The following LMO7 variants were observed in gnomAD, a reference collection of about 807,000 sequenced individuals.
LMO7 encodes LIM domain 7.
A neutral mutation model predicts 206.5 loss-of-function variants in LMO7; 120 were observed. The ratio of observed to expected loss-of-function variants is 0.58; its 90% CI spans 0.50 to 0.68. The LOEUF (loss-of-function observed/expected upper bound fraction) is 0.68, where lower values mean the gene tolerates loss of function less well. Among genes scored for constraint, LMO7 ranks in the 30% least tolerant of loss-of-function variants. LMO7 has a pLI of 0.00. For synonymous variants in LMO7, 706 were observed against 681.5 expected (o/e 1.04, Z -0.56); for missense variants, 1,959 against 1,957.9 (o/e 1.00, Z -0.01).
At chr13:75,704,633 C>T (rs1048988108) in intron 1 of LMO7, among the ~76,000 whole-genome samples, 5 of 152,152 alleles carry the variant, frequency 3.3e-5, no homozygotes, top group Admixed American at 6.5e-5. Flanking sequence ...AAAAGTTAAA[C>T]GAGAGAAGTG....
chr13:75,742,452 C>T (rs961882421), intron 3 of LMO7, among the ~76,000 whole-genome samples: 1 of 152,138 alleles, frequency 6.6e-6, no homozygotes, highest in Non-Finnish European at 1.5e-5. Flanking sequence ...CTGGAGGCAT[C>T]ATACTACCTG....
At chr13:75,643,206 G>A (rs1403457818) in intron 1 of LMO7, among the ~76,000 whole-genome samples, 1 of 152,176 alleles carries the variant, frequency 6.6e-6, no homozygotes, top group African/African-American at 2.4e-5. Flanking sequence ...GTGAGGGACT[G>A]CTGTTGAGAC....
intron 1 of LMO7, among the ~76,000 whole-genome samples, chr13:75,680,133 G>T (rs113703526): frequency 0.098 from 14,910 of 152,194 alleles, 970 homozygotes; most frequent in Middle Eastern, 0.2. Context: ...CCACTTGTAA[G>T]TGAGAACATG....
At chr13:75,638,366 A>G (rs1423687047) in intron 1 of LMO7, among the ~76,000 whole-genome samples, 1 of 152,014 alleles carries the variant, frequency 6.6e-6, no homozygotes, top group Non-Finnish European at 1.5e-5. Context: ...TTTGTATGTA[A>G]TGAATGGGGG....
chr13:75,775,948 C>A (rs1176809829), intron 4 of LMO7, among the ~76,000 whole-genome samples: 1 of 151,070 alleles, frequency 6.6e-6, no homozygotes, highest in Non-Finnish European at 1.5e-5. Flanking sequence ...TTTGAGCCAG[C>A]AGTCATCTAT....
chr13:75,804,032 C>T (rs1595135788), intron 7 of LMO7: 2 of 296,436 alleles, frequency 6.7e-6, no homozygotes, highest in East Asian at 1.2e-4. Flanking sequence ...AAAAAAGGGG[C>T]TCACTAGTAA....
intron 1 of LMO7, among the ~76,000 whole-genome samples, chr13:75,654,623 C>A (rs962882508): frequency 2.6e-5 from 4 of 152,246 alleles, no homozygotes; most frequent in African/African-American, 9.6e-5. Context: ...TTTTCCTCTG[C>A]ATCTCTCTTT....
rs144205884 is a variant in LMO7 at position 75,621,749 on chromosome 13, A to T, written c.56A>T (p.Asp19Val). 216 of 1,611,872 alleles carry T rather than the reference A, an allele frequency of 1.3e-4. No homozygotes were observed. The African/African-American group carries it at 2.5e-3, about 19-fold the overall frequency. ...ACGTTTTACAGTTGGATGTCCTATG[A>T]TGTTCTCTTCCAGAGAACAGAGCTC... The change falls in exon 1 of 30, where the codon GAT becomes GTT. Residue 19 changes from aspartate (D) to valine (V), a missense_variant. Physicochemically the swap from Asp to Val is radical, Grantham distance 152. Coordinates refer to the LMO7 transcript ENST00000341547.
At chr13:75,780,572 A>G (rs2051176046) in intron 4 of LMO7, among the ~76,000 whole-genome samples, 1 of 152,168 alleles carries the variant, frequency 6.6e-6, no homozygotes. Context: ...ATGCTCTACA[A>G]TTTGTGCAGA....
intron 8 of LMO7, chr13:75,805,052 G>A: frequency 1.0e-6 from 1 of 1,002,564 alleles, no homozygotes; most frequent in East Asian, 1.0e-4. Context: ...TGAAAAAGAG[G>A]CCCCAGAATT....
At position 75,794,907 on chromosome 13, in the gene LMO7, G is replaced by A. The variant is rs1200525069; in HGVS notation, c.318-494G>A. 2.0e-5 allele frequency among the ~76,000 whole-genome samples: 3 copies of A among 151,744 alleles called. No homozygotes were observed. The East Asian group carries it at 5.8e-4, about 29-fold the overall frequency. On this transcript the variant is annotated intron_variant, in intron 4 of 30. Coordinates refer to ENST00000377534, the MANE Select transcript of LMO7 (RefSeq NM_001306080.2). ...AAAGTCTCTGAGCAGTTTGCTCTGG[G>A]GAACTTGGATGAAAAACCTTATGGA...
intron 1 of LMO7, chr13:75,621,962 G>T: frequency 2.5e-6 from 2 of 802,566 alleles, no homozygotes; most frequent in Non-Finnish European, 3.6e-6. Context: ...ACACATGTAG[G>T]TGGAAAAGAG....
chr13:75,675,432 A>G (rs889934325), intron 1 of LMO7, among the ~76,000 whole-genome samples: 5 of 152,230 alleles, frequency 3.3e-5, no homozygotes, highest in Non-Finnish European at 7.3e-5. Flanking sequence ...TTGTAAACAA[A>G]GTTTAAGCTA....
chr13:75,738,781 AACCAGAATAATGTTT>A (rs1295007769), intron 3 of LMO7, among the ~76,000 whole-genome samples: 2 of 152,244 alleles, frequency 1.3e-5, no homozygotes, highest in Admixed American at 6.5e-5. Flanking sequence ...AGAGCTATTG[AACCAGAATAATGTTT>A]ACCATCTGAT....
intron 3 of LMO7, among the ~76,000 whole-genome samples, chr13:75,729,801 C>T (rs2044933652): frequency 6.7e-6 from 1 of 150,350 alleles, no homozygotes. Context: ...AGATATGTCC[C>T]ATCAATACCT....
intron 4 of LMO7, among the ~76,000 whole-genome samples, chr13:75,773,465 A>G (rs2049999759): frequency 6.6e-6 from 1 of 152,218 alleles, no homozygotes; most frequent in Admixed American, 6.5e-5. Flanking sequence ...GAGAACAAGT[A>G]TGGAGGCTGA....
rs117172806 is a variant in LMO7, at chr13:75,705,243, A to G, written c.70-7939A>G. ...TGGGATATGTAGGCTTTTTTCCCAG[A>G]GGAGTCGAAATGCCTTCACAAGTCA... On this transcript the variant is annotated intron_variant, in intron 1 of 30. Coordinates refer to ENST00000377534, the MANE Select transcript of LMO7 (RefSeq NM_001306080.2). Among the ~76,000 whole-genome samples the G allele has an allele frequency of 1.1e-3, 168 of 152,326 alleles. 3 individuals carry two copies. The East Asian group carries it at 0.017, about 15-fold the overall frequency.
At chr13:75,672,918 T>TA (rs1458257516) in intron 1 of LMO7, among the ~76,000 whole-genome samples, 3 of 107,412 alleles carry the variant, frequency 2.8e-5, no homozygotes, top group South Asian at 5.4e-4. Context: ...GGTGACTTGA[T>TA]ATGTGTGTGT....
chr13:75,726,201 A>G (rs1346986346), intron 2 of LMO7, among the ~76,000 whole-genome samples: 1 of 152,064 alleles, frequency 6.6e-6, no homozygotes, highest in African/African-American at 2.4e-5. Context: ...TTAATAGAAA[A>G]GCATTTTTAT....
Sources: gnomAD v4.1 joint callset for allele counts (sites outside exome capture counted in the v4.1 genomes callset) on GRCh38, gnomAD v4.1.1 for gene constraint, MANE v1.5 for transcripts, NCBI Gene and HGNC (gene_info 2026-07-23, HGNC 2026-07-21) for gene names.